Variants in CHRNB4 observed in about 807,000 individuals in gnomAD.
CHRNB4 encodes neuronal acetylcholine receptor subunit beta-4.
A neutral mutation model predicts 40.4 loss-of-function variants in CHRNB4; 23 were observed. The ratio of observed to expected loss-of-function variants is 0.57; its 90% CI spans 0.41 to 0.81. The LOEUF (loss-of-function observed/expected upper bound fraction) is 0.81. Ranked by LOEUF, CHRNB4 falls within the 30% of genes least tolerant of loss-of-function variation. The probability of loss-of-function intolerance (pLI) is 0.00; values close to 1 mark genes in which losing one functional copy is unlikely to be tolerated. For missense variants in CHRNB4, 568 were observed against 670.6 expected (o/e 0.85, Z 1.69); for synonymous variants, 285 against 274.4 (o/e 1.04, Z -0.38).
chr15:78,652,485 AG>A (rs1423247880), intron 6 of CHRNB4: 1 of 152,378 alleles, frequency 6.6e-6, no homozygotes, highest in African/African-American at 2.4e-5. Flanking sequence ...GCTTGAGACA[AG>A]GAACAGCTGG....
intron 5 of CHRNB4, among the ~76,000 whole-genome samples, chr15:78,654,038 C>T (rs1294587468): frequency 6.6e-6 from 1 of 152,154 alleles, no homozygotes; most frequent in Non-Finnish European, 1.5e-5. Flanking sequence ...TAAAAAGGGA[C>T]CTGAGAACCT....
At chr15:78,656,990 T>C (rs1442102839) in intron 3 of CHRNB4, among the ~76,000 whole-genome samples, 1 of 152,142 alleles carries the variant, frequency 6.6e-6, no homozygotes, top group Admixed American at 6.6e-5. Flanking sequence ...TCAGCTTCTC[T>C]AGAATGAAAC....
At chr15:78,630,518 C>G (rs2098400873) in intron 4 of CHRNB4, among the ~76,000 whole-genome samples, 3 of 152,166 alleles carry the variant, frequency 2.0e-5, no homozygotes, top group African/African-American at 7.2e-5. Flanking sequence ...TTATTATTAT[C>G]CCCATTCTAC....
chr15:78,659,127 T>C (rs2054234217), intron 1 of CHRNB4, among the ~76,000 whole-genome samples: 1 of 152,036 alleles, frequency 6.6e-6, no homozygotes, highest in Admixed American at 6.6e-5. Flanking sequence ...GGGGAGACAA[T>C]GACCAAGTAA....
intron 7 of CHRNB4, among the ~76,000 whole-genome samples, chr15:78,648,141 C>A (rs1187098309): frequency 6.6e-6 from 1 of 151,924 alleles, no homozygotes; most frequent in Non-Finnish European, 1.5e-5. Flanking sequence ...TGCCTGTAAT[C>A]CCAGCACTTT....
In CHRNB4 at chr15:78,624,960, G is replaced by T; in HGVS notation, c.*173C>A. ...CTGGGATCCCTCCAAGGCATTCAGA[G>T]AGGACAGCCCAGGCCCCCATCCTTG... On this transcript the variant is annotated 3_prime_UTR_variant, in exon 6 of 6. Transcript: ENST00000261751. 6.5e-7 allele frequency: 1 copy of T among 1,534,378 alleles called. No individual in the cohort carries two copies.
In CHRNB4 at chr15:78,629,356, GCA is replaced by G. The variant is rs2053740601; in HGVS notation, c.947_948del (p.Val316AlafsTer125). 17 of 1,614,078 alleles carry G rather than the reference GCA, an allele frequency of 1.1e-5. No individual in the cohort carries two copies. Among genetic ancestry groups the G allele is most frequent in the Non-Finnish European group, 1.4e-5 (17 of 1,180,036 alleles). On this transcript the variant is annotated frameshift_variant, in exon 5 of 6. Transcript: ENST00000261751. LOFTEE classifies it high-confidence loss of function. This position sits in a 1 kb window ranked among gnomAD's most constrained non-coding sequence, Gnocchi z 6.8. ...CTGGGCGAGCGGTGGTGCACATTGA[GCA>G]CACAGACGCTGGTGACGATGGAGAA... Reference protein sequence around the residue: ...VTFSIVTSVCVLNVHHRSPST... With the variant: ...VTFSIVTSVCXLNVHHRSPST...
At chr15:78,650,187 G>A (rs1017450172) in intron 6 of CHRNB4, among the ~76,000 whole-genome samples, 2 of 152,180 alleles carry the variant, frequency 1.3e-5, no homozygotes, top group African/African-American at 4.8e-5. Context: ...GGTTCTGCCC[G>A]TGACTGTCGT....
upstream of CHRNB4, chr15:78,660,753 T>A (rs1393409925): frequency 5.0e-6 from 1 of 198,044 alleles, no homozygotes; most frequent in Non-Finnish European, 1.0e-5. Context: ...CTTTCACTTT[T>A]CAGCTTTGCC....
chr15:78,645,564 C>G (rs957049817), upstream of CHRNB4, among the ~76,000 whole-genome samples: 5 of 151,924 alleles, frequency 3.3e-5, no homozygotes, highest in Admixed American at 2.6e-4. Flanking sequence ...AACTGAAGGG[C>G]CCAGTGAGAT....
intron 7 of CHRNB4, among the ~76,000 whole-genome samples, chr15:78,648,391 CA>C (rs745703762): frequency 6.2e-3 from 455 of 73,468 alleles, no homozygotes; most frequent in Admixed American, 8.7e-3. Context: ...AGACTTGCCT[CA>C]AAAAAAAAAA....
At chr15:78,642,375 T>C (rs539867138), upstream of CHRNB4, among the ~76,000 whole-genome samples, 6 of 152,208 alleles carry the variant, frequency 3.9e-5, no homozygotes, top group Non-Finnish European at 8.8e-5. Flanking sequence ...ATCATCTCCA[T>C]GAACCAAAAC....
upstream of CHRNB4, among the ~76,000 whole-genome samples, chr15:78,643,411 G>T (rs2054098420): frequency 6.6e-6 from 1 of 151,714 alleles, no homozygotes; most frequent in Admixed American, 6.6e-5. Flanking sequence ...CACCATGCCT[G>T]GCCCTATCTT....
intron 6 of CHRNB4, among the ~76,000 whole-genome samples, chr15:78,649,847 C>A (rs939816977): frequency 1.3e-5 from 2 of 151,924 alleles, no homozygotes; most frequent in African/African-American, 4.8e-5. Flanking sequence ...GGTTTTGTTT[C>A]ATAAATAAAT....
intron 1 of CHRNB4, 134 bp from the exon 2 acceptor site, chr15:78,635,721 C>A: frequency 3.5e-6 from 4 of 1,144,390 alleles, no homozygotes; most frequent in Non-Finnish European, 5.0e-6. Context: ...TGCTGGCAGG[C>A]CTGTCTCTCC....
rs1014397184 is a variant in CHRNB4, at chr15:78,625,026, C to T, written c.*107G>A. The stretch of plus-strand genomic sequence containing the variant: ...TGGCTGGTTTGATGGGGTTGATGGC[C>T]AATGCTCACATATTTACTTAGGGCC... On this transcript the variant is annotated 3_prime_UTR_variant, in exon 6 of 6. Transcript: ENST00000261751. 6.2e-7 allele frequency: 1 copy of T among 1,601,816 alleles called. No individual in the cohort carries two copies. Among genetic ancestry groups the T allele is most frequent in the Non-Finnish European group, 8.5e-7 (1 of 1,179,622 alleles).
upstream of CHRNB4, chr15:78,661,255 C>A: frequency 3.3e-6 from 2 of 604,122 alleles, no homozygotes; most frequent in Non-Finnish European, 3.2e-6. Flanking sequence ...GAGGATCTTG[C>A]CCCCTGCCCC....
chr15:78,631,933 C>T (rs948581183), intron 2 of CHRNB4, among the ~76,000 whole-genome samples: 1 of 152,160 alleles, frequency 6.6e-6, no homozygotes, highest in Non-Finnish European at 1.5e-5. Context: ...AGCTCTATGA[C>T]CTCTTATCTC....
At chr15:78,661,194 C>G, upstream of CHRNB4, 2 of 611,964 alleles carry the variant, frequency 3.3e-6, no homozygotes, top group African/African-American at 1.8e-5. Flanking sequence ...AACCAAAGAG[C>G]GGAATGGTGC....
Sources: allele counts gnomAD v4.1 joint callset (sites outside exome capture counted in the v4.1 genomes callset), GRCh38; gene constraint gnomAD v4.1.1; non-coding constraint Gnocchi (gnomAD v3.1); transcripts MANE v1.5; gene names NCBI Gene and HGNC (gene_info 2026-07-23, HGNC 2026-07-21).